The following NUAK1 variants were observed in gnomAD, a reference collection of about 807,000 sequenced individuals.
NUAK1 encodes NUAK family kinase 1.
Under a neutral mutation model 56.9 loss-of-function variants are expected in NUAK1, and 26 were observed. The observed-to-expected ratio is 0.46, with a 90% CI of 0.33 to 0.63. The LOEUF is 0.63. NUAK1 is among the 30% of genes least tolerant of loss of function. The pLI is 0.02. For missense variants in NUAK1, 727 were observed against 876.1 expected (o/e 0.83, Z 2.15); for synonymous variants, 337 against 336.0 (o/e 1.00, Z -0.03).
intron 2 of NUAK1, 74 bp from the exon 3 acceptor site, chr12:106,086,959 G>A: frequency 1.3e-6 from 2 of 1,555,298 alleles, no homozygotes; most frequent in Non-Finnish European, 1.8e-6. Flanking sequence ...GAGAATGCGA[G>A]AGAGGACAAC....
In NUAK1 at chr12:106,138,833, G is replaced by T; in HGVS notation, c.-180C>A. The T allele has an allele frequency of 1.3e-6, 1 of 770,132 alleles. No homozygotes were observed. Among genetic ancestry groups the T allele is most frequent in the Non-Finnish European group, 1.8e-6 (1 of 552,304 alleles). 47.7% of individuals were successfully genotyped at this position (770,132 alleles called of 1,614,324 possible). On this transcript the variant is annotated 5_prime_UTR_variant, in exon 1 of 7. Coordinates refer to ENST00000261402, the MANE Select transcript of NUAK1 (RefSeq NM_014840.3). This position sits in a 1 kb window ranked among gnomAD's most constrained non-coding sequence, Gnocchi z 5.0. The stretch of plus-strand genomic sequence containing the variant: ...TGGCGGCGGCGGGGACTGCACATCT[G>T]GCGCCCGCGGCGCGCACGGTCCGCG...
At chr12:106,093,056 C>A (rs1224506317) in intron 2 of NUAK1, among the ~76,000 whole-genome samples, 1 of 152,124 alleles carries the variant, frequency 6.6e-6, no homozygotes, top group Non-Finnish European at 1.5e-5. Context: ...TTGGAAATGA[C>A]CAGTACTTAA....
intron 2 of NUAK1, among the ~76,000 whole-genome samples, chr12:106,105,110 C>T (rs772090995): frequency 4.1e-4 from 63 of 152,208 alleles, no homozygotes; most frequent in Non-Finnish European, 6.2e-4. Context: ...TGCGCCACCA[C>T]ACCTGACTAC....
chr12:106,097,318 T>C (rs2032705281), intron 2 of NUAK1, among the ~76,000 whole-genome samples: 1 of 152,206 alleles, frequency 6.6e-6, no homozygotes, highest in South Asian at 2.1e-4. Context: ...GCAAAACTGA[T>C]TGTGGTTTTC....
chr12:106,083,691 G>A (rs1001517146), intron 4 of NUAK1, among the ~76,000 whole-genome samples, 173 bp downstream of exon 4: 3 of 152,130 alleles, frequency 2.0e-5, no homozygotes, highest in Admixed American at 6.5e-5. Context: ...ACTGCTTGTC[G>A]CATTTAATTG....
intron 4 of NUAK1, among the ~76,000 whole-genome samples, chr12:106,082,610 C>T (rs749107967): frequency 6.6e-6 from 1 of 152,194 alleles, no homozygotes; most frequent in Non-Finnish European, 1.5e-5. Flanking sequence ...TTCCTATTCC[C>T]ATGGAGAACT....
At chr12:106,068,021 C>T in intron 6 of NUAK1, 66 bp from the exon 7 acceptor site, 2 of 1,493,322 alleles carry the variant, frequency 1.3e-6, no homozygotes, top group Non-Finnish European at 1.8e-6. Context: ...GATAGTGGGA[C>T]CCTCCAGGAG....
chr12:106,114,809 C>A (rs1199257450), intron 1 of NUAK1, among the ~76,000 whole-genome samples: 2 of 152,182 alleles, frequency 1.3e-5, no homozygotes, highest in African/African-American at 4.8e-5. Context: ...GGGAGGCTGG[C>A]TCCAGTCACA....
In NUAK1 at chr12:106,070,482, C is replaced by T. The variant is rs571478848; in HGVS notation, c.832+292G>A. On this transcript the variant is annotated intron_variant, in intron 6 of 6. Transcript: ENST00000261402. ...AGACCTCATCTAATATCTTTTCCAA[C>T]GTTTTTATTTATGGTGGAGAATCTG... 1.2e-4 allele frequency among the ~76,000 whole-genome samples: 18 copies of T among 152,234 alleles called. No homozygotes were observed. The East Asian group carries it at 2.3e-3, about 20-fold the overall frequency.
intron 1 of NUAK1, among the ~76,000 whole-genome samples, chr12:106,128,148 T>TTC (rs1275378116): frequency 6.6e-6 from 1 of 151,082 alleles, no homozygotes; most frequent in African/African-American, 2.4e-5. Flanking sequence ...TTTTTTTTTT[T>TTC]TGACACAGAG....
intron 2 of NUAK1, 22 bp from the exon 3 acceptor site, chr12:106,086,907 A>C: frequency 6.2e-7 from 1 of 1,602,648 alleles, no homozygotes; most frequent in Non-Finnish European, 8.5e-7. Context: ...AAACAGCAAT[A>C]CACAAACACC....
intron 1 of NUAK1, among the ~76,000 whole-genome samples, chr12:106,114,378 G>A (rs776376259): frequency 3.3e-5 from 5 of 152,290 alleles, no homozygotes; most frequent in Non-Finnish European, 7.4e-5. Context: ...GGATAATCAC[G>A]CCACCGGCTC....
intron 1 of NUAK1, among the ~76,000 whole-genome samples, chr12:106,137,144 C>T (rs1244817697): frequency 1.3e-5 from 2 of 152,064 alleles, no homozygotes; most frequent in South Asian, 2.1e-4. Context: ...GGGCGTTATC[C>T]GGGTATCCAG....
chr12:106,081,479 G>A (rs2032517683), intron 4 of NUAK1, among the ~76,000 whole-genome samples: 1 of 152,120 alleles, frequency 6.6e-6, no homozygotes, highest in Non-Finnish European at 1.5e-5. Flanking sequence ...CTTAAGGAAA[G>A]GTATATGCCT....
rs1219838374 is a variant in NUAK1, at chr12:106,064,352, GCCCT to G, written c.*2446_*2449del. The G allele has an allele frequency of 2.0e-5, 3 of 152,330 alleles. No individual in the cohort carries two copies. In the East Asian group the frequency reaches 5.8e-4, roughly 29 times the overall value. The allele number at this position is 152,330 out of a possible 1,614,324, so 9.4% of individuals were successfully genotyped here. On this transcript the variant is annotated 3_prime_UTR_variant, in exon 7 of 7. Transcript: ENST00000261402. ...AGGTACCAGCTAATTCATCCCTCCA[GCCCT>G]CACTGGAAGGAAAACTTAACCCCTG...
intron 1 of NUAK1, among the ~76,000 whole-genome samples, chr12:106,136,970 T>G (rs2033135046): frequency 6.6e-6 from 1 of 152,214 alleles, no homozygotes; most frequent in Non-Finnish European, 1.5e-5. Context: ...CAGAGTGAAT[T>G]CTCAACTACT....
intron 2 of NUAK1, among the ~76,000 whole-genome samples, chr12:106,098,938 A>G (rs1565923359): frequency 6.6e-6 from 1 of 152,088 alleles, no homozygotes; most frequent in South Asian, 2.1e-4. Context: ...CATATTGTCA[A>G]TTACCTCCCT....
chr12:106,126,358 A>G (rs2033024310), intron 1 of NUAK1, among the ~76,000 whole-genome samples: 1 of 152,218 alleles, frequency 6.6e-6, no homozygotes, highest in Non-Finnish European at 1.5e-5. Context: ...AACACCTGCC[A>G]CAAGAAAAAA....
At position 106,067,051 on chromosome 12, in the gene NUAK1, G is replaced by A. The variant is rs1240721214; in HGVS notation, c.1737C>T (p.Ser579=). 1.2e-6 allele frequency: 2 copies of A among 1,614,092 alleles called. No individual in the cohort carries two copies. Among genetic ancestry groups the A allele is most frequent in the East Asian group, 4.5e-5 (2 of 44,886 alleles). Residue 579 remains serine, a synonymous_variant, in exon 7 of 7, where the codon TCC becomes TCT. Transcript: ENST00000261402. The surrounding 1 kb of genome is among the most constrained non-coding windows in gnomAD (Gnocchi z 6.0). ...SSVISDDSVL[S]SDSFDLLDLQ... ...AATCCAGCAAGTCAAAAGAGTCGCT[G>A]GACAGCACGCTGTCATCGCTGATGA...
Sources: allele counts gnomAD v4.1 joint callset (sites outside exome capture counted in the v4.1 genomes callset), GRCh38; gene constraint gnomAD v4.1.1; non-coding constraint Gnocchi (gnomAD v3.1); transcripts MANE v1.5; gene names NCBI Gene and HGNC (gene_info 2026-07-23, HGNC 2026-07-21).